SUGCT: variants seen among roughly 807,000 people sequenced by gnomAD.
The protein encoded by SUGCT is succinyl-CoA:glutarate CoA-transferase.
Under a neutral mutation model 55.0 loss-of-function variants are expected in SUGCT, and 41 were observed. The observed-to-expected ratio is 0.74, with a 90% CI of 0.58 to 0.97. The LOEUF (loss-of-function observed/expected upper bound fraction) is 0.97, where lower values mean the gene tolerates loss of function less well. SUGCT is among the 50% of genes least tolerant of loss of function. The pLI is 0.00. For synonymous variants in SUGCT, 187 were observed against 200.4 expected, an observed-to-expected ratio of 0.93 and a Z score of 0.56; for missense variants, 568 against 547.8, an observed-to-expected ratio of 1.04 and a Z score of -0.37.
intron 11 of SUGCT, among the ~76,000 whole-genome samples, chr7:40,489,681 A>G (rs1364624777): frequency 1.3e-5 from 2 of 152,198 alleles, no homozygotes; most frequent in Admixed American, 6.5e-5. Context: ...CTCTGTCTCA[A>G]AAAACAAAAC....
At chr7:40,959,514 C>T in the SUGCT span, among the ~76,000 whole-genome samples, 1 of 152,118 alleles carries the variant, frequency 6.6e-6, no homozygotes, top group Admixed American at 6.5e-5. Flanking sequence ...GGATGACCCT[C>T]CCCCCACCAA....
the SUGCT span, among the ~76,000 whole-genome samples, chr7:40,971,350 AT>A: frequency 6.6e-6 from 1 of 152,122 alleles, no homozygotes; most frequent in African/African-American, 2.4e-5. Flanking sequence ...TGGGGATTAC[AT>A]TTCCACATGA....
intron 8 of SUGCT, among the ~76,000 whole-genome samples, chr7:40,316,494 T>A (rs1795438534): frequency 6.6e-6 from 1 of 152,210 alleles, no homozygotes; most frequent in African/African-American, 2.4e-5. Context: ...TTGGTCAACC[T>A]CTGCTTTCAG....
chr7:40,331,552 G>T (rs566858481), intron 9 of SUGCT, among the ~76,000 whole-genome samples: 1 of 152,124 alleles, frequency 6.6e-6, no homozygotes, highest in Non-Finnish European at 1.5e-5. Context: ...TTCAGTAGCC[G>T]GTAGCTGTGA....
chr7:40,661,493 G>A (rs2151854841), intron 12 of SUGCT, among the ~76,000 whole-genome samples: 1 of 152,128 alleles, frequency 6.6e-6, no homozygotes, highest in Admixed American at 6.5e-5. Context: ...CTTCTTTCAA[G>A]TGCCACCCCA....
chr7:40,855,541 T>G (rs1235112580), intron 13 of SUGCT, among the ~76,000 whole-genome samples: 1 of 152,196 alleles, frequency 6.6e-6, no homozygotes, highest in Non-Finnish European at 1.5e-5. Context: ...TCTTGTTCTG[T>G]TTTGAGTTAT....
intron 7 of SUGCT, among the ~76,000 whole-genome samples, chr7:40,245,594 C>G (rs1158489870): frequency 6.7e-6 from 1 of 148,914 alleles, no homozygotes; most frequent in Non-Finnish European, 1.5e-5. Context: ...GGCCCACCAC[C>G]ACGCCCGGCT....
At chr7:40,318,594 G>A (rs1795557691) in intron 9 of SUGCT, among the ~76,000 whole-genome samples, 1 of 152,126 alleles carries the variant, frequency 6.6e-6, no homozygotes, top group African/African-American at 2.4e-5. Context: ...GTGCCACCAC[G>A]CCTGGCTAAT....
chr7:40,341,416 G>GA (rs971635602), intron 9 of SUGCT, among the ~76,000 whole-genome samples: 1 of 151,486 alleles, frequency 6.6e-6, no homozygotes, highest in East Asian at 1.9e-4. Flanking sequence ...TATTAATAGA[G>GA]AAAAAAAAAG....
At chr7:40,530,449 C>A (rs527295813) in intron 12 of SUGCT, among the ~76,000 whole-genome samples, 58 of 152,230 alleles carry the variant, frequency 3.8e-4, no homozygotes, top group South Asian at 1.0e-3. Flanking sequence ...GTTCAGTGAC[C>A]ACACTGAAAC....
intron 5 of SUGCT, among the ~76,000 whole-genome samples, chr7:40,191,093 T>C (rs1227304904): frequency 6.6e-6 from 1 of 152,198 alleles, no homozygotes; most frequent in Non-Finnish European, 1.5e-5. Flanking sequence ...CTCGGCTCAC[T>C]GCAACCTTTG....
chr7:40,434,195 C>G (rs1369914967), intron 9 of SUGCT, among the ~76,000 whole-genome samples: 1 of 152,190 alleles, frequency 6.6e-6, no homozygotes, highest in Non-Finnish European at 1.5e-5. Flanking sequence ...ACATAACACT[C>G]TCATGACCTT....
chr7:40,373,919 G>T (rs1356388258), intron 9 of SUGCT, among the ~76,000 whole-genome samples: 1 of 151,960 alleles, frequency 6.6e-6, no homozygotes, highest in Non-Finnish European at 1.5e-5. Context: ...ATTTTCTTTT[G>T]TCCCCAATTT....
intron 6 of SUGCT, among the ~76,000 whole-genome samples, chr7:40,220,192 T>G (rs183300713): frequency 2.7e-4 from 41 of 152,302 alleles, no homozygotes; most frequent in Non-Finnish European, 4.9e-4. Flanking sequence ...GTTTATCATC[T>G]CTCTCTATAA....
intron 7 of SUGCT, among the ~76,000 whole-genome samples, chr7:40,261,133 T>C (rs1791197224): frequency 6.6e-6 from 1 of 152,176 alleles, no homozygotes; most frequent in Non-Finnish European, 1.5e-5. Context: ...GGACTGGACT[T>C]TTTGCCTTGG....
At chr7:40,228,831 C>G (rs1452207511) in intron 6 of SUGCT, among the ~76,000 whole-genome samples, 1 of 152,090 alleles carries the variant, frequency 6.6e-6, no homozygotes, top group Non-Finnish European at 1.5e-5. Flanking sequence ...TTCCCCTAGG[C>G]TTTACCAGTG....
At chr7:40,990,506 G>A in the SUGCT span, among the ~76,000 whole-genome samples, 37 of 152,122 alleles carry the variant, frequency 2.4e-4, no homozygotes, top group Non-Finnish European at 2.1e-4. Flanking sequence ...AGTATTTTCC[G>A]AATGGTAAAT....
chr7:40,319,918 G>A (rs1195797222), intron 9 of SUGCT, among the ~76,000 whole-genome samples: 1 of 151,948 alleles, frequency 6.6e-6, no homozygotes, highest in Non-Finnish European at 1.5e-5. Context: ...GACCTGCTGG[G>A]CTCAAGTGTT....
chr7:40,144,748 T>C (rs1584166144), intron 1 of SUGCT, among the ~76,000 whole-genome samples: 1 of 152,200 alleles, frequency 6.6e-6, no homozygotes, highest in Admixed American at 6.5e-5. Context: ...GTCCTTGGTG[T>C]CTTCTTACTG....
Sources: gnomAD v4.1 joint callset for allele counts (sites outside exome capture counted in the v4.1 genomes callset) on GRCh38, gnomAD v4.1.1 for gene constraint, MANE v1.5 for transcripts, NCBI Gene and HGNC (gene_info 2026-07-23, HGNC 2026-07-21) for gene names.